Variants in TTBK2 observed in about 807,000 individuals in gnomAD.
The protein encoded by TTBK2 is tau tubulin kinase 2, also known as tau-tubulin kinase 2.
Under a neutral mutation model 110.8 loss-of-function variants are expected in TTBK2, and 28 were observed. The ratio of observed to expected loss-of-function variants is 0.25; its 90% CI spans 0.19 to 0.35. The LOEUF is 0.35. Ranked by LOEUF, TTBK2 falls within the 10% of genes least tolerant of loss-of-function variation. The pLI, the probability that TTBK2 is intolerant of heterozygous loss-of-function variation, is 1.00. For synonymous variants in TTBK2, 532 were observed against 527.3 expected (o/e 1.01, Z -0.12); for missense variants, 1,369 against 1,500.3 (o/e 0.91, Z 1.45).
chr15:42,902,493 C>A (rs1400190772), intron 1 of TTBK2, among the ~76,000 whole-genome samples: 1 of 151,958 alleles, frequency 6.6e-6, no homozygotes, highest in Admixed American at 6.6e-5. Flanking sequence ...GCACTCCAGC[C>A]TGGGCAAGAA....
chr15:42,876,001 G>A (rs1468784345), intron 2 of TTBK2, among the ~76,000 whole-genome samples: 1 of 151,868 alleles, frequency 6.6e-6, no homozygotes, highest in Non-Finnish European at 1.5e-5. Flanking sequence ...TTGGGGGTTG[G>A]GGGTTGGGGG....
chr15:42,853,971 T>C (rs902288627), intron 3 of TTBK2, among the ~76,000 whole-genome samples: 19 of 152,328 alleles, frequency 1.2e-4, no homozygotes, highest in Admixed American at 1.0e-3. Flanking sequence ...GGTCTCACTC[T>C]GTCACCCAGG....
chr15:42,815,958 A>AATAT lies in TTBK2; in HGVS notation c.603+1070_603+1073dup, dbSNP rs1555427628. On this transcript the variant is annotated intron_variant, in intron 7 of 14. Coordinates refer to ENST00000267890, the MANE Select transcript of TTBK2 (RefSeq NM_173500.4). ...TATATATATATATATTTAAAAAAAAAATATATATATATATATATATTTGAG... is the reference window on the plus strand; with the variant it reads ...TATATATATATATATTTAAAAAAAAAATATATATATATATATATATATATTTGAG... Among the ~76,000 whole-genome samples, 24 of 91,690 alleles carry AATAT rather than the reference A, an allele frequency of 2.6e-4. 1 individual carries two copies. Among genetic ancestry groups the AATAT allele is most frequent in the African/African-American group, 1.4e-3 (23 of 16,138 alleles). 60.2% of individuals were successfully genotyped at this position (91,690 alleles called of 152,430 possible).
At chr15:42,787,006 A>G (rs1248570305) in intron 10 of TTBK2, among the ~76,000 whole-genome samples, 1 of 152,256 alleles carries the variant, frequency 6.6e-6, no homozygotes, top group East Asian at 1.9e-4. Context: ...ATAAGTAAGA[A>G]AATGTGTGGA....
intron 1 of TTBK2, among the ~76,000 whole-genome samples, chr15:42,903,800 C>T (rs961002058): frequency 6.6e-6 from 1 of 152,182 alleles, no homozygotes; most frequent in African/African-American, 2.4e-5. Context: ...TAGGATGTTA[C>T]TTCCCAGATA....
At chr15:42,830,673 T>C (rs1271589561) in intron 4 of TTBK2, among the ~76,000 whole-genome samples, 3 of 151,354 alleles carry the variant, frequency 2.0e-5, no homozygotes, top group Admixed American at 6.6e-5. Flanking sequence ...TAATCAAATA[T>C]ATAATTTATA....
chr15:42,816,501 A>G (rs1682194823), intron 7 of TTBK2, among the ~76,000 whole-genome samples: 1 of 152,116 alleles, frequency 6.6e-6, no homozygotes, highest in South Asian at 2.1e-4. Flanking sequence ...AGCTGCACAT[A>G]TCTATTATCC....
intron 14 of TTBK2, among the ~76,000 whole-genome samples, chr15:42,747,035 G>A (rs1169503652): frequency 2.7e-5 from 4 of 150,554 alleles, no homozygotes; most frequent in Admixed American, 2.0e-4. Context: ...GATGATCACA[G>A]CTCACTGCAG....
intron 2 of TTBK2, among the ~76,000 whole-genome samples, chr15:42,874,758 C>A (rs1032319209): frequency 6.6e-6 from 1 of 151,238 alleles, no homozygotes; most frequent in Non-Finnish European, 1.5e-5. Context: ...GAGGCCGAGG[C>A]GGGCGGATCA....
rs202237707 is a variant in TTBK2, at chr15:42,783,511, G to A, written c.1105C>T (p.Pro369Ser). The A allele has an allele frequency of 2.6e-4, 422 of 1,614,076 alleles. 1 individual carries two copies. The African/African-American group carries it at 4.3e-3, about 16-fold the overall frequency. The change falls in exon 11 of 15, where the codon CCT (proline) becomes TCT (serine). Residue 369 changes from proline to serine, a missense_variant. Around this residue, in one of 4 missense-constraint regions of TTBK2, gnomAD observed 1,097 missense variants for 1,114.7 expected, o/e 0.98. Transcript: ENST00000267890. ...IPVGVSPDKL[P>S]GSLGHPRPQE... ...GGACGGGGGTGTCCCAGAGATCCAG[G>A]CAATTTATCTGGTGACACACCAACA...
chr15:42,784,760 T>C (rs1165426170), intron 10 of TTBK2, among the ~76,000 whole-genome samples: 1 of 151,496 alleles, frequency 6.6e-6, no homozygotes, highest in African/African-American at 2.4e-5. Flanking sequence ...AGGTTGGGGG[T>C]TTTATTAGAG....
intron 4 of TTBK2, among the ~76,000 whole-genome samples, chr15:42,831,557 G>C (rs1364906129): frequency 6.6e-6 from 1 of 152,140 alleles, no homozygotes; most frequent in Admixed American, 6.5e-5. Context: ...AGCTGTTCCT[G>C]TGTCTGTTTT....
At chr15:42,799,263 G>A (rs1328688802) in intron 9 of TTBK2, among the ~76,000 whole-genome samples, 7 of 151,988 alleles carry the variant, frequency 4.6e-5, no homozygotes, top group South Asian at 2.1e-4. Flanking sequence ...CCAGCTACTC[G>A]GGAGGCTGAG....
rs937709101 is a variant in TTBK2 at position 42,741,981 on chromosome 15, A to T, written c.*3814T>A. ...GTCTGGGTTTATAAAACATGCACCAATGTACACTTTCTCCTTGTAGATTGA... is the reference window on the plus strand; with the variant it reads ...GTCTGGGTTTATAAAACATGCACCATTGTACACTTTCTCCTTGTAGATTGA... On this transcript the variant is annotated 3_prime_UTR_variant, in exon 15 of 15. Transcript: ENST00000267890. 2 of 152,222 alleles carry T rather than the reference A, an allele frequency of 1.3e-5. No homozygotes were observed. Among genetic ancestry groups the T allele is most frequent in the African/African-American group, 4.8e-5 (2 of 41,464 alleles). The allele number at this position is 152,222 out of a possible 1,614,324, so 9.4% of individuals were successfully genotyped here.
chr15:42,850,085 C>T (rs1012812737), intron 3 of TTBK2, among the ~76,000 whole-genome samples: 45 of 152,288 alleles, frequency 3.0e-4, no homozygotes, highest in African/African-American at 1.1e-3. Context: ...CACAGTTCCT[C>T]CCATCTGAGA....
In TTBK2 at chr15:42,744,807, T is replaced by C. The variant is rs915881004; in HGVS notation, c.*988A>G. On this transcript the variant is annotated 3_prime_UTR_variant, in exon 15 of 15. Coordinates refer to ENST00000267890, the MANE Select transcript of TTBK2 (RefSeq NM_173500.4). ...TTTATTTCTAAATCTCAAATCACAG[T>C]CCAAAGCATTGTGCTTCCCTCGTAT... 6.6e-6 allele frequency: 1 copy of C among 152,434 alleles called. No homozygotes were observed. The highest frequency in any genetic ancestry group is 1.5e-5 in the Non-Finnish European group (1 of 68,202). The allele number at this position is 152,434 out of a possible 1,614,324, so 9.4% of individuals were successfully genotyped here.
At chr15:42,879,603 C>T (rs764517709) in intron 1 of TTBK2, among the ~76,000 whole-genome samples, 2 of 149,920 alleles carry the variant, frequency 1.3e-5, no homozygotes, top group African/African-American at 2.5e-5. Context: ...ATTATGTAAA[C>T]GAATGAGTAT....
chr15:42,787,596 C>T (rs1890463617), intron 10 of TTBK2, among the ~76,000 whole-genome samples: 1 of 152,140 alleles, frequency 6.6e-6, no homozygotes, highest in African/African-American at 2.4e-5. Flanking sequence ...AAGAGAAAAA[C>T]AGTAACTTTA....
chr15:42,900,725 A>G (rs752254277), intron 1 of TTBK2, among the ~76,000 whole-genome samples: 18 of 152,076 alleles, frequency 1.2e-4, no homozygotes, highest in Admixed American at 2.6e-4. Context: ...CCATCCCCCC[A>G]CCAAAAAAAA....
Sources: gnomAD v4.1 joint callset for allele counts (sites outside exome capture counted in the v4.1 genomes callset) on GRCh38, gnomAD v4.1.1 for gene constraint, gnomAD v4.1.1 regional missense constraint, MANE v1.5 for transcripts, NCBI Gene and HGNC (gene_info 2026-07-23, HGNC 2026-07-21) for gene names.